The following SSNA1 variants were observed in gnomAD, a reference collection of about 807,000 sequenced individuals.
The protein encoded by SSNA1 is microtubule nucleation factor SSNA1.
A neutral mutation model predicts 13.3 loss-of-function variants in SSNA1; 13 were observed. The observed-to-expected ratio is 0.97, with a 90% CI of 0.63 to 1.55. The LOEUF is 1.55. SSNA1 is among the 40% of genes most tolerant of loss of function. The pLI is 0.00. For synonymous variants in SSNA1, 89 were observed against 65.9 expected, an observed-to-expected ratio of 1.35 and a Z score of -1.70; for missense variants, 186 against 152.7, an observed-to-expected ratio of 1.22 and a Z score of -1.15.
At chr9:137,188,985 C>T (rs1214059982) in intron 1 of SSNA1, 81 bp from the exon 2 acceptor site, 2 of 1,494,282 alleles carry the variant, frequency 1.3e-6, no homozygotes, top group African/African-American at 1.4e-5. Context: ...CTGACTCTGG[C>T]TTCCTCGGGT....
intron 2 of SSNA1, 27 bp from the exon 3 acceptor site, chr9:137,189,780 A>C (rs1218198124): frequency 3.7e-6 from 6 of 1,606,052 alleles, no homozygotes; most frequent in African/African-American, 1.3e-5. Flanking sequence ...GTGAACATTA[A>C]CAACCTTCTC....
At chr9:137,188,903 C>A (rs1309207567) in intron 1 of SSNA1, 125 bp downstream of exon 1, 7 of 1,328,922 alleles carry the variant, frequency 5.3e-6, no homozygotes, top group Non-Finnish European at 6.9e-6. Context: ...CCCTCCGTGC[C>A]GGAGGCCGGG....
rs763404033 is a variant in SSNA1 at position 137,189,896 on chromosome 9, C to T, written c.342C>T (p.Ser114=). Residue 114 remains serine (S), a synonymous_variant, in exon 3 of 3, where the codon AGC becomes AGT. Transcript: ENST00000322310. ...TKATAPDQKS[S]GGRDS ...CTACAGCCCCAGACCAGAAAAGTAGCGGCGGCAGGGACAGCTGACCAGACC... is the reference window on the plus strand; with the variant it reads ...CTACAGCCCCAGACCAGAAAAGTAGTGGCGGCAGGGACAGCTGACCAGACC... 89 of 1,613,448 alleles carry T rather than the reference C, an allele frequency of 5.5e-5. No individual in the cohort carries two copies. The highest frequency in any genetic ancestry group is 7.1e-5 in the Non-Finnish European group (84 of 1,179,940).
In SSNA1 at chr9:137,189,801, C is replaced by T. The variant is rs759020023; in HGVS notation, c.253-6C>T. Reference sequence around the variant, plus strand: ...ATTAACAACCTTCTCACTTCTCTGGCCCCAGATCCTGGAGAGCTCCCAGAC... The same window carrying T: ...ATTAACAACCTTCTCACTTCTCTGGTCCCAGATCCTGGAGAGCTCCCAGAC... On this transcript the variant is annotated splice_region_variant and splice_polypyrimidine_tract_variant and intron_variant, in intron 2 of 2. Transcript: ENST00000322310. 4.3e-6 allele frequency: 7 copies of T among 1,613,102 alleles called. No homozygotes were observed. The highest frequency in any genetic ancestry group is 4.0e-5 in the African/African-American group (3 of 74,926).
chr9:137,188,994 G>A (rs1047995955), intron 1 of SSNA1, 72 bp from the exon 2 acceptor site: 3 of 1,513,358 alleles, frequency 2.0e-6, no homozygotes, highest in Non-Finnish European at 2.7e-6. Context: ...GCTTCCTCGG[G>A]TGGAAGGAGG....
chr9:137,190,176 C>G lies in SSNA1; in HGVS notation c.*262C>G. Reference sequence around the variant, plus strand: ...TGCAAGGGGCTTGTCTCTGTGGCACCCACACTCCTGCCCTGCCAGGGAGGC... The same window carrying G: ...TGCAAGGGGCTTGTCTCTGTGGCACGCACACTCCTGCCCTGCCAGGGAGGC... On this transcript the variant is annotated 3_prime_UTR_variant, in exon 3 of 3. Transcript: ENST00000322310. 1 of 452,040 alleles carries G rather than the reference C, an allele frequency of 2.2e-6. No homozygotes were observed. Among genetic ancestry groups the G allele is most frequent in the East Asian group, 4.2e-5 (1 of 23,530 alleles). 28.0% of individuals were successfully genotyped at this position (452,040 alleles called of 1,614,324 possible).
At chr9:137,189,563 C>T (rs1170902698) in intron 2 of SSNA1, among the ~76,000 whole-genome samples, 2 of 152,226 alleles carry the variant, frequency 1.3e-5, no homozygotes, top group South Asian at 2.1e-4. Flanking sequence ...GCACCCAGCA[C>T]GGGCCAGTGC....
intron 2 of SSNA1, 47 bp downstream of exon 2, chr9:137,189,312 G>T (rs756990044): frequency 1.9e-6 from 3 of 1,602,764 alleles, no homozygotes; most frequent in Non-Finnish European, 8.5e-7. Context: ...AGGCACGGCA[G>T]GGGTGTTGCC....
At position 137,189,706 on chromosome 9, in the gene SSNA1, C is replaced by T. The variant is rs929834896; in HGVS notation, c.253-101C>T. 8 of 1,074,366 alleles carry T rather than the reference C, an allele frequency of 7.4e-6. No individual in the cohort carries two copies. The African/African-American group carries it at 1.3e-4, about 17-fold the overall frequency. The allele number at this position is 1,074,366 out of a possible 1,614,324, so 66.6% of individuals were successfully genotyped here. Reference sequence around the variant, plus strand: ...CCCACACAGGATCCCTTGGCTACAGCACCCCCAGCCAGGTCCCAGCACCTG... The same window carrying T: ...CCCACACAGGATCCCTTGGCTACAGTACCCCCAGCCAGGTCCCAGCACCTG... On this transcript the variant is annotated intron_variant, in intron 2 of 2. Transcript: ENST00000322310.
rs1385995017 is a variant in SSNA1 at position 137,189,802 on chromosome 9, C to T, written c.253-5C>T. On this transcript the variant is annotated splice_region_variant and splice_polypyrimidine_tract_variant and intron_variant, in intron 2 of 2. Transcript: ENST00000322310. ...TTAACAACCTTCTCACTTCTCTGGC[C>T]CCAGATCCTGGAGAGCTCCCAGACT... The T allele has an allele frequency of 3.1e-6, 5 of 1,613,662 alleles. No homozygotes were observed. Among genetic ancestry groups the T allele is most frequent in the East Asian group, 2.2e-5 (1 of 44,886 alleles).
At position 137,189,873 on chromosome 9, in the gene SSNA1, A is replaced by G. The variant is rs759713059; in HGVS notation, c.319A>G (p.Thr107Ala). 1 of 1,613,942 alleles carries G rather than the reference A, an allele frequency of 6.2e-7. No homozygotes were observed. Among genetic ancestry groups the G allele is most frequent in the Non-Finnish European group, 8.5e-7 (1 of 1,180,014 alleles). Residue 107 changes from threonine (T) to alanine (A), a missense_variant, in exon 3 of 3, where the codon ACA (threonine) becomes GCA (alanine). Coordinates refer to ENST00000322310, the MANE Select transcript of SSNA1 (RefSeq NM_003731.3). The stretch of plus-strand genomic sequence containing the variant: ...GGAAGCTGGGAACCTGACCAAGGCT[A>G]CAGCCCCAGACCAGAAAAGTAGCGG... ...KREAGNLTKA[T>A]APDQKSSGGR... is the part of the protein sequence containing the mutation.
chr9:137,190,089 A>C lies in SSNA1; in HGVS notation c.*175A>C, dbSNP rs1834580087. On this transcript the variant is annotated 3_prime_UTR_variant, in exon 3 of 3. Transcript: ENST00000322310. ...CAGTGACAAGCCCAGGGCACAGCCC[A>C]CCCGGGGGTCCTCGCTTCATGCTCA... The C allele has an allele frequency of 1.6e-6, 1 of 610,312 alleles. No individual in the cohort carries two copies. Among genetic ancestry groups the C allele is most frequent in the Non-Finnish European group, 2.9e-6 (1 of 346,864 alleles). 37.8% of individuals were successfully genotyped at this position (610,312 alleles called of 1,614,324 possible).
Position 137,188,784 on chromosome 9 carries a change from C to T in SSNA1, c.52+6C>T, listed in dbSNP as rs1221876160. 2.6e-6 allele frequency: 4 copies of T among 1,567,632 alleles called. No homozygotes were observed. Among genetic ancestry groups the T allele is most frequent in the Non-Finnish European group, 2.6e-6 (3 of 1,165,452 alleles). ...CAACAACGAGCTGGTCAAGTGTGAG[C>T]GGCGCAGCCGGGACGGGGAGGTCGG... On this transcript the variant is annotated splice_donor_region_variant and intron_variant, in intron 1 of 2. Transcript: ENST00000322310.
rs1834579223 is a variant in SSNA1, at chr9:137,190,065, A to G, written c.*151A>G. ...GCAGGTGCCAGCCTCCACTGGCATC[A>G]GTGACAAGCCCAGGGCACAGCCCAC... On this transcript the variant is annotated 3_prime_UTR_variant, in exon 3 of 3. Coordinates refer to ENST00000322310, the MANE Select transcript of SSNA1 (RefSeq NM_003731.3). 1.4e-6 allele frequency: 1 copy of G among 695,518 alleles called. No homozygotes were observed. Among genetic ancestry groups the G allele is most frequent in the Admixed American group, 2.5e-5 (1 of 40,764 alleles). 43.1% of individuals were successfully genotyped at this position (695,518 alleles called of 1,614,324 possible). A position where few individuals can be genotyped will look rare whatever the true frequency, so the allele number is the denominator to read the frequency against.
At chr9:137,188,887 G>T in intron 1 of SSNA1, 109 bp downstream of exon 1, 1 of 1,365,770 alleles carries the variant, frequency 7.3e-7, no homozygotes, top group Non-Finnish European at 9.6e-7. Flanking sequence ...GCGCGGCTGA[G>T]CAGAGCCCTC....
At chr9:137,188,945 G>A in intron 1 of SSNA1, 121 bp from the exon 2 acceptor site, 1 of 1,348,804 alleles carries the variant, frequency 7.4e-7, no homozygotes, top group Non-Finnish European at 9.8e-7. Context: ...CTGGCTCGCA[G>A]GCCCCGCGCC....
At chr9:137,189,564 G>A (rs957780627) in intron 2 of SSNA1, among the ~76,000 whole-genome samples, 7 of 152,334 alleles carry the variant, frequency 4.6e-5, no homozygotes, top group South Asian at 2.1e-4. Context: ...CACCCAGCAC[G>A]GGCCAGTGCT....
At position 137,188,747 on chromosome 9, in the gene SSNA1, G is replaced by C. The variant is rs775027744; in HGVS notation, c.21G>C (p.Ala7=). ...TGACCATGACCCAGCAGGGCGCGGC[G>C]CTGCAGAACTACAACAACGAGCTGG... MTQQGA[A]LQNYNNELVK... is the part of the protein sequence containing the mutation. Residue 7 remains alanine, a synonymous_variant, in exon 1 of 3, where the codon GCG becomes GCC. Coordinates refer to ENST00000322310, the MANE Select transcript of SSNA1 (RefSeq NM_003731.3). 9 of 1,585,560 alleles carry C rather than the reference G, an allele frequency of 5.7e-6. No homozygotes were observed. The highest frequency in any genetic ancestry group is 5.1e-5 in the Admixed American group (3 of 58,704).
chr9:137,188,746 C>T lies in SSNA1; in HGVS notation c.20C>T (p.Ala7Val). Residue 7 changes from alanine (A) to valine (V), a missense_variant, in exon 1 of 3, where the codon GCG becomes GTG. Ala to Val is a moderately conservative substitution (Grantham distance 64). Coordinates refer to ENST00000322310, the MANE Select transcript of SSNA1 (RefSeq NM_003731.3). MTQQGAALQNYNNELVK... is the reference protein window; with the variant it reads MTQQGAVLQNYNNELVK... Reference sequence around the variant, plus strand: ...TTGACCATGACCCAGCAGGGCGCGGCGCTGCAGAACTACAACAACGAGCTG... The same window carrying T: ...TTGACCATGACCCAGCAGGGCGCGGTGCTGCAGAACTACAACAACGAGCTG... 6.3e-7 allele frequency: 1 copy of T among 1,585,416 alleles called. No homozygotes were observed. Among genetic ancestry groups the T allele is most frequent in the Non-Finnish European group, 8.5e-7 (1 of 1,173,372 alleles).
Sources: gnomAD v4.1 joint callset for allele counts (sites outside exome capture counted in the v4.1 genomes callset) on GRCh38, gnomAD v4.1.1 for gene constraint, MANE v1.5 for transcripts, NCBI Gene and HGNC (gene_info 2026-07-23, HGNC 2026-07-21) for gene names.